Variants in PHACTR1 observed in about 807,000 individuals in gnomAD.
PHACTR1 encodes phosphatase and actin regulator 1, also known as RPEL repeat containing 1.
PHACTR1 carries 16 observed loss-of-function variants against 69.2 expected under a neutral mutation model. The observed-to-expected ratio is 0.23, with a 90% CI of 0.16 to 0.35. The LOEUF (loss-of-function observed/expected upper bound fraction) is 0.35. Ranked by LOEUF, PHACTR1 falls within the 10% of genes least tolerant of loss-of-function variation. PHACTR1 has a pLI of 1.00. For synonymous variants in PHACTR1, 312 were observed against 284.5 expected, an observed-to-expected ratio of 1.10 and a Z score of -0.97; for missense variants, 510 against 734.7, an observed-to-expected ratio of 0.69 and a Z score of 3.54.
At chr6:13,064,805 C>T (rs1415891472) in intron 5 of PHACTR1, among the ~76,000 whole-genome samples, 4 of 150,076 alleles carry the variant, frequency 2.7e-5, no homozygotes, top group Non-Finnish European at 5.9e-5. Context: ...AGGCCCTTTG[C>T]GACTGGGCTC....
intron 8 of PHACTR1, among the ~76,000 whole-genome samples, chr6:13,224,591 G>A (rs7749528): frequency 0.6 from 91,864 of 151,982 alleles, 28,479 homozygotes; most frequent in Admixed American, 0.69. Context: ...TAATAACTAT[G>A]TTATAAAAAA....
At chr6:13,230,843 C>T (rs1031758540) in intron 10 of PHACTR1, among the ~76,000 whole-genome samples, 2 of 152,052 alleles carry the variant, frequency 1.3e-5, no homozygotes, top group African/African-American at 2.4e-5. Context: ...AAAGTAAAAC[C>T]CCATCTCTAC....
intron 6 of PHACTR1, 134 bp downstream of exon 6, chr6:13,160,418 C>G (rs1758822041): frequency 5.1e-6 from 4 of 785,398 alleles, no homozygotes; most frequent in Admixed American, 4.4e-5. Context: ...CCAGACAGTT[C>G]TAGAGAGAAA....
chr6:13,272,518 G>A (rs913473552), intron 10 of PHACTR1: 1 of 424,378 alleles, frequency 2.4e-6, no homozygotes, highest in Non-Finnish European at 4.2e-6. Context: ...CAGTCCCCAA[G>A]TTAGGAGGCC....
chr6:12,917,293 T>C (rs921104639), intron 4 of PHACTR1, among the ~76,000 whole-genome samples: 2 of 152,220 alleles, frequency 1.3e-5, no homozygotes, highest in Admixed American at 6.5e-5. Flanking sequence ...ATAGCCTGGA[T>C]TTTTCTCTAG....
At chr6:13,015,334 G>T (rs1359983325) in intron 4 of PHACTR1, among the ~76,000 whole-genome samples, 1 of 152,160 alleles carries the variant, frequency 6.6e-6, no homozygotes, top group Non-Finnish European at 1.5e-5. Context: ...AAACTGGGAC[G>T]GCACTGGAGG....
chr6:13,208,316 C>A (rs1485073712), intron 8 of PHACTR1, among the ~76,000 whole-genome samples: 1 of 152,198 alleles, frequency 6.6e-6, no homozygotes, highest in Non-Finnish European at 1.5e-5. Context: ...ACATTGAGAA[C>A]AAGTTTTAGA....
At chr6:13,104,775 C>G (rs983949762) in intron 5 of PHACTR1, among the ~76,000 whole-genome samples, 1 of 152,106 alleles carries the variant, frequency 6.6e-6, no homozygotes, top group Non-Finnish European at 1.5e-5. Context: ...TAAGAAGGAC[C>G]TTATCTTTTT....
intron 4 of PHACTR1, among the ~76,000 whole-genome samples, chr6:12,912,612 A>C (rs910701297): frequency 6.6e-6 from 1 of 152,146 alleles, no homozygotes; most frequent in African/African-American, 2.4e-5. Context: ...TTGCTGAGGA[A>C]TAGGTTTGTT....
chr6:12,789,125 T>G (rs1346717389), intron 4 of PHACTR1, among the ~76,000 whole-genome samples: 2 of 152,178 alleles, frequency 1.3e-5, no homozygotes, highest in African/African-American at 4.8e-5. Context: ...CAGGTTTAGG[T>G]GTTTGTTTTC....
chr6:12,826,511 A>G (rs1776820946), intron 4 of PHACTR1, among the ~76,000 whole-genome samples: 1 of 152,220 alleles, frequency 6.6e-6, no homozygotes, highest in Non-Finnish European at 1.5e-5. Context: ...AAATAGCTGT[A>G]GCCAGTTTGC....
At chr6:12,900,818 G>C (rs1785113298) in intron 4 of PHACTR1, among the ~76,000 whole-genome samples, 1 of 152,094 alleles carries the variant, frequency 6.6e-6, no homozygotes, top group Non-Finnish European at 1.5e-5. Context: ...CCTAACTCTT[G>C]TGTGTGTGTT....
chr6:12,849,646 G>A (rs1280910425), intron 4 of PHACTR1, among the ~76,000 whole-genome samples: 4 of 152,112 alleles, frequency 2.6e-5, no homozygotes, highest in Non-Finnish European at 4.4e-5. Context: ...TTGCAGAACC[G>A]ATGAGGCCTG....
intron 4 of PHACTR1, among the ~76,000 whole-genome samples, chr6:12,881,622 C>T (rs1461485087): frequency 6.6e-6 from 1 of 152,082 alleles, no homozygotes; most frequent in Non-Finnish European, 1.5e-5. Flanking sequence ...TACTTCATAA[C>T]GTCATCACTC....
intron 7 of PHACTR1, among the ~76,000 whole-genome samples, chr6:13,195,779 A>ATAAAAAAAAAAAAAAAAAAG (rs1554153384): frequency 8.4e-6 from 1 of 118,556 alleles, no homozygotes; most frequent in African/African-American, 3.2e-5. Context: ...AAAAAAAAAA[A>ATAAAAAAAAAAAAAAAAAAG]AGTTCATTTG....
At chr6:12,781,727 G>A (rs764600238) in intron 4 of PHACTR1, among the ~76,000 whole-genome samples, 1 of 152,178 alleles carries the variant, frequency 6.6e-6, no homozygotes, top group Non-Finnish European at 1.5e-5. Flanking sequence ...GAGTGTTCCC[G>A]AATCTTTCCT....
chr6:12,717,531 T>C lies in PHACTR1; in HGVS notation c.-259T>C, dbSNP rs1761546627. 1 of 152,204 alleles carries C rather than the reference T, an allele frequency of 6.6e-6. No individual in the cohort carries two copies. Among genetic ancestry groups the C allele is most frequent in the South Asian group, 2.1e-4 (1 of 4,828 alleles). 9.4% of individuals were successfully genotyped at this position (152,204 alleles called of 1,614,324 possible). On this transcript the variant is annotated 5_prime_UTR_variant, in exon 2 of 15. Coordinates refer to ENST00000332995, the MANE Select transcript of PHACTR1 (RefSeq NM_030948.6). The stretch of plus-strand genomic sequence containing the variant: ...CAGGGGAGGGTGCAGAGGCTGAGGC[T>C]GGCGTCACCTTCCGTTGCTAAGGTA...
intron 4 of PHACTR1, among the ~76,000 whole-genome samples, chr6:12,973,916 A>ATTTTTTTTTTTTTT (rs33948457): frequency 1.1e-5 from 1 of 92,866 alleles, no homozygotes. Flanking sequence ...AGAGGCTGGG[A>ATTTTTTTTTTTTTT]TTTTTTTTTT....
intron 10 of PHACTR1, among the ~76,000 whole-genome samples, chr6:13,255,502 G>A (rs1308138163): frequency 1.3e-5 from 2 of 152,132 alleles, no homozygotes; most frequent in Admixed American, 1.3e-4. Context: ...TAACTCAAAA[G>A]TCTTATCTGA....
Sources: allele counts gnomAD v4.1 joint callset (sites outside exome capture counted in the v4.1 genomes callset), GRCh38; gene constraint gnomAD v4.1.1; transcripts MANE v1.5; gene names NCBI Gene and HGNC (gene_info 2026-07-23, HGNC 2026-07-21).